The following SEZ6L variants were observed in gnomAD, a reference collection of about 807,000 sequenced individuals.
The protein encoded by SEZ6L is seizure related 6 homolog like.
SEZ6L carries 37 observed loss-of-function variants against 106.2 expected under a neutral mutation model. The observed-to-expected ratio is 0.35, with a 90% CI of 0.27 to 0.46. SEZ6L has a LOEUF of 0.46. SEZ6L is among the 20% of genes least tolerant of loss of function. The pLI is 1.00. For missense variants in SEZ6L, 1,172 were observed against 1,332.8 expected, an observed-to-expected ratio of 0.88 and a Z score of 1.88; for synonymous variants, 541 against 570.4, an observed-to-expected ratio of 0.95 and a Z score of 0.73.
chr22:26,283,548 G>A (rs1473948839), intron 1 of SEZ6L, among the ~76,000 whole-genome samples: 2 of 152,158 alleles, frequency 1.3e-5, no homozygotes, highest in Non-Finnish European at 2.9e-5. Flanking sequence ...ATTCTATAAA[G>A]TGTTGATCAA....
At chr22:26,309,300 A>T (rs770676538) in intron 6 of SEZ6L, among the ~76,000 whole-genome samples, 4 of 152,224 alleles carry the variant, frequency 2.6e-5, no homozygotes, top group Non-Finnish European at 5.9e-5. Context: ...CATTTTGTTT[A>T]ACACATTTTA....
chr22:26,208,057 G>A (rs1168473468), intron 1 of SEZ6L, among the ~76,000 whole-genome samples: 2 of 151,896 alleles, frequency 1.3e-5, no homozygotes, highest in East Asian at 1.9e-4. Flanking sequence ...CTACAGGCGC[G>A]CGCCACCATG....
At chr22:26,321,235 G>C (rs185112176) in intron 9 of SEZ6L, among the ~76,000 whole-genome samples, 13 of 152,184 alleles carry the variant, frequency 8.5e-5, no homozygotes, top group Non-Finnish European at 1.3e-4. Flanking sequence ...ACTGAGGCTC[G>C]GGGTGGTGGG....
intron 3 of SEZ6L, 136 bp from the exon 4 acceptor site, chr22:26,296,752 C>T (rs898163905): frequency 1.4e-5 from 9 of 650,352 alleles, no homozygotes; most frequent in Non-Finnish European, 1.9e-5. Context: ...GTGGGCTCGG[C>T]ATGGGGCCCA....
At chr22:26,204,403 G>T (rs1246868236) in intron 1 of SEZ6L, among the ~76,000 whole-genome samples, 1 of 152,164 alleles carries the variant, frequency 6.6e-6, no homozygotes, top group Non-Finnish European at 1.5e-5. Flanking sequence ...CATCGTTCTA[G>T]GCACTTTACA....
chr22:26,232,409 T>C (rs530113407), intron 1 of SEZ6L, among the ~76,000 whole-genome samples: 99 of 146,886 alleles, frequency 6.7e-4, no homozygotes, highest in Middle Eastern at 3.5e-3. Context: ...GAGCCCAAAC[T>C]CTGGAAACAG....
intron 3 of SEZ6L, among the ~76,000 whole-genome samples, chr22:26,296,369 C>A (rs2081300747): frequency 6.6e-6 from 1 of 152,128 alleles, no homozygotes; most frequent in Non-Finnish European, 1.5e-5. Context: ...AGAATATATT[C>A]AATCTTTTTT....
intron 6 of SEZ6L, among the ~76,000 whole-genome samples, chr22:26,307,011 C>T (rs1470565393): frequency 6.6e-6 from 1 of 152,122 alleles, no homozygotes; most frequent in Non-Finnish European, 1.5e-5. Flanking sequence ...CTAGGAGGCA[C>T]ATGGGAAAGT....
intron 1 of SEZ6L, among the ~76,000 whole-genome samples, chr22:26,176,978 A>G (rs907564072): frequency 6.6e-6 from 1 of 152,148 alleles, no homozygotes; most frequent in Admixed American, 6.5e-5. Flanking sequence ...CTCCCCCTAA[A>G]CAATGAACTC....
At chr22:26,188,499 G>C (rs369444649) in intron 1 of SEZ6L, among the ~76,000 whole-genome samples, 3 of 152,194 alleles carry the variant, frequency 2.0e-5, no homozygotes, top group East Asian at 1.9e-4. Context: ...GATTCCAAGA[G>C]AGAGTGTCCT....
Position 26,371,493 on chromosome 22 carries a change from C to T in SEZ6L, c.2795-1958C>T, listed in dbSNP as rs555803229. Among the ~76,000 whole-genome samples the T allele has an allele frequency of 3.0e-4, 46 of 152,086 alleles. No homozygotes were observed. The Middle Eastern group carries it at 0.01, about 34-fold the overall frequency. On this transcript the variant is annotated intron_variant, in intron 13 of 16. Coordinates refer to ENST00000248933, the MANE Select transcript of SEZ6L (RefSeq NM_021115.5). Reference sequence around the variant, plus strand: ...CAGAATATACACAAATGTAGCTGGGCATGGTGGTGTGCACCTGTAATCCCA... The same window carrying T: ...CAGAATATACACAAATGTAGCTGGGTATGGTGGTGTGCACCTGTAATCCCA...
intron 1 of SEZ6L, among the ~76,000 whole-genome samples, chr22:26,255,746 A>G (rs2079794294): frequency 6.6e-6 from 1 of 152,262 alleles, no homozygotes; most frequent in Non-Finnish European, 1.5e-5. Context: ...AACGCGCAGC[A>G]GTTGTCTATC....
Position 26,292,766 on chromosome 22 carries a change from A to G in SEZ6L, c.455A>G (p.Gln152Arg), listed in dbSNP as rs2081174499. 3 of 1,614,020 alleles carry G rather than the reference A, an allele frequency of 1.9e-6. No individual in the cohort carries two copies. Among genetic ancestry groups the G allele is most frequent in the Admixed American group, 3.3e-5 (2 of 60,014 alleles). The change falls in exon 2 of 17, where the codon CAG (glutamine) becomes CGG (arginine). Residue 152 changes from glutamine to arginine, a missense_variant. By Grantham distance (43) the Gln-to-Arg change is conservative. Coordinates refer to ENST00000248933, the MANE Select transcript of SEZ6L (RefSeq NM_021115.5). ...AGGGCAGGGTCCCAGCCAGCGTCCC[A>G]GGGCCTAGATCTCCTCTCCTCCTCC... is the stretch of plus-strand genomic sequence containing the variant. ...VQRAGSQPAS[Q>R]GLDLLSSSTE...
intron 9 of SEZ6L, among the ~76,000 whole-genome samples, chr22:26,328,871 C>T (rs2082398421): frequency 6.6e-6 from 1 of 152,190 alleles, no homozygotes; most frequent in South Asian, 2.1e-4. Flanking sequence ...AGGCTGCAAA[C>T]TCCAGGTCTG....
At chr22:26,358,999 A>G (rs2083527458) in intron 12 of SEZ6L, among the ~76,000 whole-genome samples, 1 of 152,206 alleles carries the variant, frequency 6.6e-6, no homozygotes, top group Non-Finnish European at 1.5e-5. Context: ...GTCACTGCCT[A>G]GCCATGTCTC....
chr22:26,283,226 C>T (rs777814545), intron 1 of SEZ6L, among the ~76,000 whole-genome samples: 1 of 152,040 alleles, frequency 6.6e-6, no homozygotes, highest in African/African-American at 2.4e-5. Flanking sequence ...GGCTGCAATA[C>T]GACTTCTAGT....
intron 1 of SEZ6L, among the ~76,000 whole-genome samples, chr22:26,216,916 A>C (rs1218282788): frequency 6.6e-6 from 1 of 152,136 alleles, no homozygotes; most frequent in African/African-American, 2.4e-5. Context: ...CCATATAACC[A>C]GGAGGGAAGT....
chr22:26,224,698 G>T (rs567899944), intron 1 of SEZ6L, among the ~76,000 whole-genome samples: 1 of 152,298 alleles, frequency 6.6e-6, no homozygotes, highest in South Asian at 2.1e-4. Flanking sequence ...ATATGTTTTA[G>T]AAGTCAAGCT....
intron 1 of SEZ6L, among the ~76,000 whole-genome samples, chr22:26,289,962 GCAATGA>G (rs1220007675): frequency 6.6e-6 from 1 of 152,212 alleles, no homozygotes; most frequent in Non-Finnish European, 1.5e-5. Context: ...GGCTGTGATT[GCAATGA>G]CAAGAGTAAA....
Sources: allele counts gnomAD v4.1 joint callset (sites outside exome capture counted in the v4.1 genomes callset), GRCh38; gene constraint gnomAD v4.1.1; transcripts MANE v1.5; gene names NCBI Gene and HGNC (gene_info 2026-07-23, HGNC 2026-07-21).